CEP43: variants seen among roughly 807,000 people sequenced by gnomAD.
CEP43 encodes centrosomal protein 43, also known as FGFR1 oncogene partner.
In CEP43, 36 loss-of-function variants were observed where a neutral mutation model predicts 52.6. That is an observed-to-expected ratio of 0.68 (90% CI 0.52 to 0.90). CEP43 has a LOEUF of 0.90. Among genes scored for constraint, CEP43 ranks in the 40% least tolerant of loss-of-function variants. The probability of loss-of-function intolerance (pLI) is 0.00; values close to 1 mark genes in which losing one functional copy is unlikely to be tolerated. For synonymous variants in CEP43, 192 were observed against 172.4 expected (o/e 1.11, Z -0.89); for missense variants, 506 against 472.8 (o/e 1.07, Z -0.65).
chr6:167,003,471 A>G (rs1418006392), intron 3 of CEP43: 14 of 513,348 alleles, frequency 2.7e-5, no homozygotes, highest in Non-Finnish European at 4.4e-5. Flanking sequence ...GCCAATATTA[A>G]CCATTAAAAA....
chr6:167,009,524 AAAAAAT>A (rs1779934827), intron 5 of CEP43, among the ~76,000 whole-genome samples: 1 of 150,018 alleles, frequency 6.7e-6, no homozygotes, highest in Admixed American at 6.6e-5. Context: ...AAAAAAAAAA[AAAAAAT>A]ACAAGGAATT....
At chr6:167,037,033 TG>T (rs1295515272) in intron 12 of CEP43, among the ~76,000 whole-genome samples, 1 of 152,218 alleles carries the variant, frequency 6.6e-6, no homozygotes, top group African/African-American at 2.4e-5. Flanking sequence ...CTCAAACTCC[TG>T]GCCTCTTGTG....
intron 5 of CEP43, among the ~76,000 whole-genome samples, chr6:167,005,555 C>T (rs185087266): frequency 1.2e-4 from 19 of 152,298 alleles, no homozygotes; most frequent in Admixed American, 3.9e-4. Context: ...GCCAGCCAAG[C>T]GTGGGAGCAG....
At chr6:167,034,585 G>A (rs1292888393) in intron 12 of CEP43, among the ~76,000 whole-genome samples, 3 of 152,220 alleles carry the variant, frequency 2.0e-5, no homozygotes, top group Non-Finnish European at 4.4e-5. Context: ...AGTCAGGTTG[G>A]AGGTTGCCAT....
intron 12 of CEP43, among the ~76,000 whole-genome samples, chr6:167,038,541 A>G (rs16899831): frequency 0.02 from 3,089 of 152,332 alleles, 52 homozygotes; most frequent in East Asian, 0.091. Flanking sequence ...CATTGGGACT[A>G]TGCTCAGGTA....
chr6:167,042,061 C>T lies in CEP43; in HGVS notation c.*2083C>T, dbSNP rs1780711412. ...CTGGTCTTGAACTCCTGACCTCGTT[C>T]CTGCCTTAGCCTCCTAAAGTGCCGG... On this transcript the variant is annotated 3_prime_UTR_variant, in exon 13 of 13. Transcript: ENST00000366847. The T allele has an allele frequency of 1.2e-6, 1 of 817,922 alleles. No individual in the cohort carries two copies. Among genetic ancestry groups the T allele is most frequent in the East Asian group, 7.9e-5 (1 of 12,634 alleles). The allele number at this position is 817,922 out of a possible 1,614,324, so 50.7% of individuals were successfully genotyped here.
At chr6:167,000,966 A>G (rs893368906) in intron 2 of CEP43, among the ~76,000 whole-genome samples, 25 of 152,210 alleles carry the variant, frequency 1.6e-4, no homozygotes, top group Admixed American at 5.2e-4. Flanking sequence ...TGATGTTGCA[A>G]ATTGGCAGGT....
Position 167,041,048 on chromosome 6 carries a change from T to A in CEP43, c.*1070T>A. The A allele has an allele frequency of 9.7e-7, 1 of 1,031,178 alleles. No individual in the cohort carries two copies. 63.9% of individuals were successfully genotyped at this position (1,031,178 alleles called of 1,614,324 possible). A position where few individuals can be genotyped will look rare whatever the true frequency, so the allele number is the denominator to read the frequency against. ...AACAGTAGAAAGTGATGCATGCATA[T>A]TTATATATAAGTAAAGCAGGATTGT... On this transcript the variant is annotated 3_prime_UTR_variant, in exon 13 of 13. Transcript: ENST00000366847.
At position 167,022,402 on chromosome 6, in the gene CEP43, T is replaced by C. The variant is rs763832696; in HGVS notation, c.580-7T>C. The C allele has an allele frequency of 3.1e-6, 5 of 1,602,954 alleles. No individual in the cohort carries two copies. Among genetic ancestry groups the C allele is most frequent in the Non-Finnish European group, 4.3e-6 (5 of 1,172,288 alleles). On this transcript the variant is annotated splice_region_variant and splice_polypyrimidine_tract_variant and intron_variant, in intron 7 of 12. Coordinates refer to ENST00000366847, the MANE Select transcript of CEP43 (RefSeq NM_007045.4). ...AGGAGGCCTTTTCTCTTTCCCTCTC[T>C]TTCTAGAAGGCCAATGATGAGGCCA...
chr6:167,049,113 C>T lies in CEP43; in HGVS notation c.*9135C>T, dbSNP rs1440683745. The stretch of plus-strand genomic sequence containing the variant: ...ATGTAGCACAGATGTATCAAAAAGC[C>T]ATGCCAGGCAGTTATAGATATCTTA... On this transcript the variant is annotated 3_prime_UTR_variant, in exon 13 of 13. Transcript: ENST00000366847. 2.6e-5 allele frequency: 4 copies of T among 152,154 alleles called. No homozygotes were observed. Among genetic ancestry groups the T allele is most frequent in the African/African-American group, 9.7e-5 (4 of 41,426 alleles). 9.4% of individuals were successfully genotyped at this position (152,154 alleles called of 1,614,324 possible). A position where few individuals can be genotyped will look rare whatever the true frequency, so the allele number is the denominator to read the frequency against.
intron 7 of CEP43, among the ~76,000 whole-genome samples, chr6:167,016,329 G>A (rs1780098849): frequency 6.6e-6 from 1 of 152,172 alleles, no homozygotes; most frequent in East Asian, 1.9e-4. Flanking sequence ...GTGTGATCAT[G>A]GCTCACACCA....
At chr6:167,034,930 G>C (rs1239243293) in intron 12 of CEP43, among the ~76,000 whole-genome samples, 1 of 152,116 alleles carries the variant, frequency 6.6e-6, no homozygotes, top group Non-Finnish European at 1.5e-5. Flanking sequence ...TTTTCACCCT[G>C]CATCATCCTA....
At position 167,041,357 on chromosome 6, in the gene CEP43, G is replaced by A; in HGVS notation, c.*1379G>A. Reference sequence around the variant, plus strand: ...GAAACTAAGCTGTAAACATCAAGAGGAAGTAGGACATAAACTGGGCCGGTA... The same window carrying A: ...GAAACTAAGCTGTAAACATCAAGAGAAAGTAGGACATAAACTGGGCCGGTA... On this transcript the variant is annotated 3_prime_UTR_variant, in exon 13 of 13. Transcript: ENST00000366847. 16 of 1,058,928 alleles carry A rather than the reference G, an allele frequency of 1.5e-5. No individual in the cohort carries two copies. Among genetic ancestry groups the A allele is most frequent in the Non-Finnish European group, 1.8e-5 (16 of 875,216 alleles). The allele number at this position is 1,058,928 out of a possible 1,614,324, so 65.6% of individuals were successfully genotyped here. A position where few individuals can be genotyped will look rare whatever the true frequency, so the allele number is the denominator to read the frequency against.
chr6:167,022,567 T>A lies in CEP43; in HGVS notation c.738T>A (p.Asp246Glu). 6.2e-7 allele frequency: 1 copy of A among 1,614,170 alleles called. No individual in the cohort carries two copies. The highest frequency in any genetic ancestry group is 8.5e-7 in the Non-Finnish European group (1 of 1,180,022). The change falls in exon 8 of 13, where the codon GAT becomes GAA. Residue 246 changes from aspartate to glutamate, a missense_variant. Asp to Glu is a conservative substitution (Grantham distance 45). Coordinates refer to ENST00000366847, the MANE Select transcript of CEP43 (RefSeq NM_007045.4). The part of the protein sequence containing the change: ...DGKDKAGLCP[D>E]EDDMEGDSFF... The stretch of plus-strand genomic sequence containing the variant: ...AAGACAAAGCTGGCCTTTGTCCAGA[T>A]GAAGATGATATGGAAGGAGATTCTT...
In CEP43 at chr6:166,999,401, T is replaced by C; in HGVS notation, c.-12T>C. On this transcript the variant is annotated 5_prime_UTR_variant, in exon 1 of 13. Transcript: ENST00000366847. Reference sequence around the variant, plus strand: ...GTTAGCGCGGCTTCGGCGGTTGTCTTGGAGAAGCAAGATGGCGGCGACGGC... The same window carrying C: ...GTTAGCGCGGCTTCGGCGGTTGTCTCGGAGAAGCAAGATGGCGGCGACGGC... 4 of 1,463,392 alleles carry C rather than the reference T, an allele frequency of 2.7e-6. No homozygotes were observed. The highest frequency in any genetic ancestry group is 3.0e-5 in the East Asian group (1 of 33,516). 90.7% of individuals were successfully genotyped at this position (1,463,392 alleles called of 1,614,324 possible).
At chr6:167,023,425 G>A (rs1780284187) in intron 8 of CEP43, among the ~76,000 whole-genome samples, 1 of 152,184 alleles carries the variant, frequency 6.6e-6, no homozygotes, top group Non-Finnish European at 1.5e-5. Flanking sequence ...AAAACTAGAA[G>A]GTTGGAAACA....
chr6:167,033,222 T>C (rs2128667351), intron 11 of CEP43, among the ~76,000 whole-genome samples: 1 of 145,460 alleles, frequency 6.9e-6, no homozygotes, highest in Middle Eastern at 3.5e-3. Context: ...GCCATTCTCC[T>C]GCCTCAGCTT....
At position 167,024,897 on chromosome 6, in the gene CEP43, A is replaced by G; in HGVS notation, c.919+3A>G. 2 of 1,507,786 alleles carry G rather than the reference A, an allele frequency of 1.3e-6. No individual in the cohort carries two copies. The highest frequency in any genetic ancestry group is 9.2e-7 in the Non-Finnish European group (1 of 1,087,346). The allele number at this position is 1,507,786 out of a possible 1,614,324, so 93.4% of individuals were successfully genotyped here. ...CCCTTCTTTAAAAGACTCTGAGAGT[A>G]AGTGCCCAAAGATGTGGACTTCAAT... On this transcript the variant is annotated splice_donor_region_variant and intron_variant, in intron 9 of 12. Coordinates refer to ENST00000366847, the MANE Select transcript of CEP43 (RefSeq NM_007045.4).
At chr6:167,010,981 T>C in intron 6 of CEP43, 88 bp downstream of exon 6, 1 of 686,870 alleles carries the variant, frequency 1.5e-6, no homozygotes, top group Non-Finnish European at 2.3e-6. Flanking sequence ...TTGTTACAAG[T>C]TGTATTGTTT....
Sources: gnomAD v4.1 joint callset for allele counts (sites outside exome capture counted in the v4.1 genomes callset) on GRCh38, gnomAD v4.1.1 for gene constraint, MANE v1.5 for transcripts, NCBI Gene and HGNC (gene_info 2026-07-23, HGNC 2026-07-21) for gene names.